WDFY2: variants seen among roughly 807,000 people sequenced by gnomAD.
WDFY2 encodes the protein WD repeat and FYVE domain-containing protein 2.
In WDFY2, 36 loss-of-function variants were observed where a neutral mutation model predicts 56.4. The observed-to-expected ratio is 0.64, with a 90% CI of 0.49 to 0.84. WDFY2 has a LOEUF of 0.84. Ranked by LOEUF, WDFY2 falls within the 40% of genes least tolerant of loss-of-function variation. The pLI is 0.00. For missense variants in WDFY2, 444 were observed against 512.2 expected (o/e 0.87, Z 1.29); for synonymous variants, 176 against 183.7 (o/e 0.96, Z 0.34).
intron 1 of WDFY2, among the ~76,000 whole-genome samples, chr13:51,596,313 T>G (rs1413765951): frequency 1.3e-5 from 2 of 152,204 alleles, no homozygotes; most frequent in Non-Finnish European, 2.9e-5. Flanking sequence ...TGGCATGCTG[T>G]TTGAATGGAT....
intron 2 of WDFY2, among the ~76,000 whole-genome samples, chr13:51,668,944 CAG>C (rs953268854): frequency 6.6e-6 from 1 of 152,172 alleles, no homozygotes; most frequent in African/African-American, 2.4e-5. Flanking sequence ...GTGTACGTAA[CAG>C]AAATTAGAAA....
chr13:51,607,508 C>G (rs1451236420), intron 1 of WDFY2, among the ~76,000 whole-genome samples: 1 of 151,964 alleles, frequency 6.6e-6, no homozygotes, highest in East Asian at 1.9e-4. Flanking sequence ...AAACAATCCA[C>G]CATGATATTA....
chr13:51,603,244 C>T (rs757822261), intron 1 of WDFY2, among the ~76,000 whole-genome samples: 2 of 152,176 alleles, frequency 1.3e-5, no homozygotes, highest in Admixed American at 1.3e-4. Flanking sequence ...TGGAGGAATT[C>T]GTAAGAGCCC....
At chr13:51,659,499 G>A (rs1955571914) in intron 1 of WDFY2, among the ~76,000 whole-genome samples, 1 of 152,278 alleles carries the variant, frequency 6.6e-6, no homozygotes. Flanking sequence ...TGGTCTCCGG[G>A]ATAATACCTT....
chr13:51,712,659 A>C (rs143401092), intron 4 of WDFY2, among the ~76,000 whole-genome samples: 5 of 152,180 alleles, frequency 3.3e-5, no homozygotes, highest in African/African-American at 1.2e-4. Context: ...GAAAACAGAA[A>C]ATAGAGAAAA....
intron 2 of WDFY2, among the ~76,000 whole-genome samples, chr13:51,661,711 C>A (rs1955617420): frequency 6.6e-6 from 1 of 152,206 alleles, no homozygotes; most frequent in East Asian, 1.9e-4. Flanking sequence ...TGAGGCTTTG[C>A]ATGTCTTTAG....
intron 5 of WDFY2, among the ~76,000 whole-genome samples, chr13:51,720,710 G>T (rs777904325): frequency 1.3e-4 from 20 of 152,140 alleles, no homozygotes; most frequent in Non-Finnish European, 2.6e-4. Flanking sequence ...TGGAGGCTGG[G>T]AATTCTAAGA....
intron 3 of WDFY2, among the ~76,000 whole-genome samples, chr13:51,688,737 A>G (rs951198939): frequency 6.6e-6 from 1 of 152,188 alleles, no homozygotes; most frequent in Non-Finnish European, 1.5e-5. Context: ...GCTAAATATT[A>G]TGATGTTAGG....
intron 3 of WDFY2, among the ~76,000 whole-genome samples, chr13:51,685,350 G>A (rs1243454925): frequency 6.6e-6 from 1 of 152,120 alleles, no homozygotes; most frequent in Non-Finnish European, 1.5e-5. Flanking sequence ...ACAATGTGGG[G>A]GTTAGGGGCA....
intron 1 of WDFY2, among the ~76,000 whole-genome samples, chr13:51,597,891 T>C (rs1369693351): frequency 6.6e-6 from 1 of 152,214 alleles, no homozygotes; most frequent in Admixed American, 6.5e-5. Context: ...TGATGGTACA[T>C]GTATATGCAA....
intron 3 of WDFY2, among the ~76,000 whole-genome samples, chr13:51,689,327 C>T (rs1470347677): frequency 1.3e-5 from 2 of 152,056 alleles, no homozygotes; most frequent in East Asian, 1.9e-4. Flanking sequence ...CCAAACAGTT[C>T]GTGTGTGGAG....
chr13:51,597,589 T>A (rs932279081), intron 1 of WDFY2, among the ~76,000 whole-genome samples: 1 of 152,220 alleles, frequency 6.6e-6, no homozygotes, highest in Non-Finnish European at 1.5e-5. Flanking sequence ...TTCATGCTTA[T>A]GTATGTGGAA....
At chr13:51,620,051 C>T (rs1042048982) in intron 1 of WDFY2, among the ~76,000 whole-genome samples, 1 of 152,216 alleles carries the variant, frequency 6.6e-6, no homozygotes, top group African/African-American at 2.4e-5. Flanking sequence ...TTATAAGCCC[C>T]TTGCCAGTAC....
At position 51,597,549 on chromosome 13, in the gene WDFY2, T is replaced by G. The variant is rs147423975; in HGVS notation, c.137+12725T>G. The stretch of plus-strand genomic sequence containing the variant: ...TTTCAAAACTTTTGCTTAAAAAGTT[T>G]ATCTGTCTGTTGCTTTTGTTGCCTA... On this transcript the variant is annotated intron_variant, in intron 1 of 11. Transcript: ENST00000298125. Among the ~76,000 whole-genome samples, 329 of 152,346 alleles carry G rather than the reference T, an allele frequency of 2.2e-3. 3 individuals are homozygous for G. Among genetic ancestry groups the G allele is most frequent in the African/African-American group, 7.6e-3 (317 of 41,574 alleles).
intron 1 of WDFY2, among the ~76,000 whole-genome samples, chr13:51,642,705 G>A (rs1428437122): frequency 3.2e-5 from 4 of 125,026 alleles, no homozygotes; most frequent in Non-Finnish European, 6.5e-5. Flanking sequence ...TTTTTGAGAC[G>A]GAGTCTCACT....
intron 3 of WDFY2, among the ~76,000 whole-genome samples, chr13:51,680,835 A>T (rs1955965500): frequency 6.6e-6 from 1 of 152,164 alleles, no homozygotes; most frequent in South Asian, 2.1e-4. Context: ...GACTTCCCTG[A>T]GCCCTAGACA....
intron 1 of WDFY2, among the ~76,000 whole-genome samples, chr13:51,643,692 T>G (rs1418030414): frequency 6.6e-6 from 1 of 152,120 alleles, no homozygotes; most frequent in Non-Finnish European, 1.5e-5. Flanking sequence ...CCAGCCTCCA[T>G]GATCTTCTGG....
At chr13:51,622,322 CTT>C (rs1461395480) in intron 1 of WDFY2, among the ~76,000 whole-genome samples, 1 of 152,042 alleles carries the variant, frequency 6.6e-6, no homozygotes, top group Non-Finnish European at 1.5e-5. Flanking sequence ...GTTAATTTCT[CTT>C]TGTTTTTATT....
At chr13:51,649,086 G>T (rs1280856846) in intron 1 of WDFY2, among the ~76,000 whole-genome samples, 2 of 152,248 alleles carry the variant, frequency 1.3e-5, no homozygotes, top group African/African-American at 4.8e-5. Context: ...GGTGGAGGTT[G>T]CAGTGAGCCA....
Sources: allele counts gnomAD v4.1 joint callset (sites outside exome capture counted in the v4.1 genomes callset), GRCh38; gene constraint gnomAD v4.1.1; transcripts MANE v1.5; gene names NCBI Gene and HGNC (gene_info 2026-07-23, HGNC 2026-07-21).